AAK1: variants seen among roughly 807,000 people sequenced by gnomAD.
AAK1 encodes AP2-associated protein kinase 1.
AAK1 carries 37 observed loss-of-function variants against 116.0 expected under a neutral mutation model. The ratio of observed to expected loss-of-function variants is 0.32; its 90% CI spans 0.25 to 0.42. AAK1 has a LOEUF of 0.42. Among genes scored for constraint, AAK1 ranks in the 10% least tolerant of loss-of-function variants. The probability of loss-of-function intolerance (pLI) is 1.00; values close to 1 mark genes in which losing one functional copy is unlikely to be tolerated. For synonymous variants in AAK1, 458 were observed against 439.9 expected, an observed-to-expected ratio of 1.04 and a Z score of -0.51; for missense variants, 919 against 1,170.6, an observed-to-expected ratio of 0.79 and a Z score of 3.14.
At chr2:69,522,482 G>A (rs1286341767) in intron 10 of AAK1, among the ~76,000 whole-genome samples, 2 of 152,090 alleles carry the variant, frequency 1.3e-5, no homozygotes, top group South Asian at 2.1e-4. Flanking sequence ...AATGGGACAC[G>A]TGCTGGAGAA....
chr2:69,501,949 C>A (rs1675994389), intron 16 of AAK1, among the ~76,000 whole-genome samples: 1 of 151,944 alleles, frequency 6.6e-6, no homozygotes, highest in Admixed American at 6.6e-5. Context: ...CCAGCCTAGG[C>A]AACAGAGCGA....
In AAK1 at chr2:69,595,396, G is replaced by A. The variant is rs1411617555; in HGVS notation, c.164-38418C>T. Among the ~76,000 whole-genome samples the A allele has an allele frequency of 3.9e-5, 6 of 152,330 alleles. 1 individual carries two copies. In the East Asian group the frequency reaches 7.7e-4, roughly 20 times the overall value. On this transcript the variant is annotated intron_variant, in intron 2 of 21. Transcript: ENST00000409085. ...CTCCCAAAGTGTTGGGATTACAGGC[G>A]TGAGCCACTGCACCCAACCTCTTGA...
intron 15 of AAK1, among the ~76,000 whole-genome samples, chr2:69,505,965 G>C (rs755369739): frequency 1.3e-5 from 2 of 152,302 alleles, no homozygotes; most frequent in African/African-American, 4.8e-5. Flanking sequence ...TTAACACTAC[G>C]GAACTGCACA....
intron 3 of AAK1, among the ~76,000 whole-genome samples, chr2:69,555,563 G>A (rs1472332131): frequency 6.6e-6 from 1 of 152,034 alleles, no homozygotes; most frequent in Non-Finnish European, 1.5e-5. Flanking sequence ...TAAAATCCAG[G>A]GCATAAAAGG....
At chr2:69,640,079 T>TCTCTCTCTC (rs746154277) in intron 2 of AAK1, among the ~76,000 whole-genome samples, 2 of 136,326 alleles carry the variant, frequency 1.5e-5, no homozygotes, top group South Asian at 2.4e-4. Flanking sequence ...TCTCTCTCTC[T>TCTCTCTCTC]CCCCCCCCAC....
Position 69,460,877 on chromosome 2 carries a change from G to T in AAK1, c.*14992C>A, listed in dbSNP as rs530015547. On this transcript the variant is annotated 3_prime_UTR_variant, in exon 22 of 22. Coordinates refer to ENST00000409085, the MANE Select transcript of AAK1 (RefSeq NM_014911.5). ...GTCAATTACTGTGGATTCTTTCAGG[G>T]TTCATCAATGCATGTGTGGCTCGAT... 6.6e-6 allele frequency: 1 copy of T among 152,264 alleles called. No homozygotes were observed. The highest frequency in any genetic ancestry group is 2.4e-5 in the African/African-American group (1 of 41,556). The allele number at this position is 152,264 out of a possible 1,614,324, so 9.4% of individuals were successfully genotyped here. A position where few individuals can be genotyped will look rare whatever the true frequency, so the allele number is the denominator to read the frequency against.
At chr2:69,643,432 C>G in intron 1 of AAK1, 143 bp downstream of exon 1, 2 of 1,188,196 alleles carry the variant, frequency 1.7e-6, no homozygotes, top group Non-Finnish European at 2.1e-6. Flanking sequence ...ACCCCGGCCC[C>G]AGAACCCGGG....
intron 17 of AAK1, 56 bp downstream of exon 17, chr2:69,495,929 A>C (rs1675721582): frequency 7.1e-7 from 1 of 1,411,814 alleles, no homozygotes; most frequent in Non-Finnish European, 9.6e-7. Context: ...ACTTTCTACA[A>C]GGCCTGGGAC....
chr2:69,485,217 A>G (rs911974598), intron 17 of AAK1, among the ~76,000 whole-genome samples: 12 of 152,210 alleles, frequency 7.9e-5, no homozygotes, highest in Admixed American at 2.0e-4. Context: ...AATCTTGAAA[A>G]GCAATGGATA....
chr2:69,614,587 CCT>C (rs1030157451), intron 2 of AAK1, among the ~76,000 whole-genome samples: 1 of 152,170 alleles, frequency 6.6e-6, no homozygotes, highest in Non-Finnish European at 1.5e-5. Context: ...CTCCCAACAC[CCT>C]GTCTCCTTCA....
chr2:69,533,425 A>G (rs113874692), intron 5 of AAK1, among the ~76,000 whole-genome samples: 3,214 of 152,262 alleles, frequency 0.021, 104 homozygotes, highest in African/African-American at 0.074. Context: ...CAACTGGTCA[A>G]TTATAATAGT....
At chr2:69,614,518 C>T (rs768757370) in intron 2 of AAK1, among the ~76,000 whole-genome samples, 16 of 152,114 alleles carry the variant, frequency 1.1e-4, no homozygotes, top group Non-Finnish European at 1.9e-4. Flanking sequence ...GCACTCTCCA[C>T]GGCATTTTGC....
At chr2:69,500,698 T>TATATATACACACACAC in intron 16 of AAK1, among the ~76,000 whole-genome samples, 19 of 65,096 alleles carry the variant, frequency 2.9e-4, no homozygotes, top group African/African-American at 1.3e-3. Flanking sequence ...TATATATATA[T>TATATATACACACACAC]ACACACACAC....
At chr2:69,620,533 A>C (rs563519133) in intron 2 of AAK1, among the ~76,000 whole-genome samples, 1 of 152,168 alleles carries the variant, frequency 6.6e-6, no homozygotes, top group East Asian at 1.9e-4. Context: ...TTCCGTTTCC[A>C]TCACTCTTCT....
rs753796088 is a variant in AAK1 at position 69,473,751 on chromosome 2, T to C, written c.*2118A>G. On this transcript the variant is annotated 3_prime_UTR_variant, in exon 22 of 22. Coordinates refer to ENST00000409085, the MANE Select transcript of AAK1 (RefSeq NM_014911.5). ...ATGTATATACGAAAAAAATCAAATA[T>C]GAAAACATAGAACTCAAACATTATT... 2.0e-6 allele frequency: 2 copies of C among 976,312 alleles called. No homozygotes were observed. The highest frequency in any genetic ancestry group is 2.4e-6 in the Non-Finnish European group (2 of 821,378). 60.5% of individuals were successfully genotyped at this position (976,312 alleles called of 1,614,324 possible).
intron 2 of AAK1, among the ~76,000 whole-genome samples, chr2:69,600,371 T>C (rs899640617): frequency 1.3e-5 from 2 of 151,382 alleles, no homozygotes; most frequent in East Asian, 3.9e-4. Flanking sequence ...TCGTGATTCA[T>C]GAGAAGAAGT....
rs757259473 is a variant in AAK1 at position 69,476,988 on chromosome 2, CAGCTTAA to C, written c.2681-5_2682del. 6 of 1,602,194 alleles carry C rather than the reference CAGCTTAA, an allele frequency of 3.7e-6. No individual in the cohort carries two copies. Among genetic ancestry groups the C allele is most frequent in the Non-Finnish European group, 5.1e-6 (6 of 1,171,820 alleles). On this transcript the variant is annotated splice_acceptor_variant and splice_polypyrimidine_tract_variant and coding_sequence_variant and intron_variant, in exon 21 of 22. Transcript: ENST00000409085. LOFTEE classifies it high-confidence loss of function. ...CCTGAGATGAGATTACTATCTTCTGCAGCTTAATACAGAATGCAAGTACACAAGCAGA... is the reference window on the plus strand; with the variant it reads ...CCTGAGATGAGATTACTATCTTCTGCTACAGAATGCAAGTACACAAGCAGA...
intron 2 of AAK1, chr2:69,598,943 T>C: frequency 2.4e-6 from 1 of 425,384 alleles, no homozygotes. Context: ...GAACATCACA[T>C]GCCATTATTA....
At chr2:69,496,709 C>T (rs968301680) in intron 16 of AAK1, among the ~76,000 whole-genome samples, 2 of 152,134 alleles carry the variant, frequency 1.3e-5, no homozygotes, top group African/African-American at 4.8e-5. Context: ...GTCCATATCA[C>T]ACATTTTAGC....
Sources: allele counts gnomAD v4.1 joint callset (sites outside exome capture counted in the v4.1 genomes callset), GRCh38; gene constraint gnomAD v4.1.1; transcripts MANE v1.5; gene names NCBI Gene and HGNC (gene_info 2026-07-23, HGNC 2026-07-21).